Variants in XKR4 observed in about 807,000 individuals in gnomAD.
The protein encoded by XKR4 is XK related 4, also known as XK-related protein 4.
Under a neutral mutation model 53.9 loss-of-function variants are expected in XKR4, and 12 were observed. The observed-to-expected ratio is 0.22, with a 90% CI of 0.14 to 0.36. The LOEUF is 0.36. Among genes scored for constraint, XKR4 ranks in the 10% least tolerant of loss-of-function variants. The pLI, the probability that XKR4 is intolerant of heterozygous loss-of-function variation, is 1.00. For synonymous variants in XKR4, 354 were observed against 362.4 expected, an observed-to-expected ratio of 0.98 and a Z score of 0.26; for missense variants, 799 against 859.5, an observed-to-expected ratio of 0.93 and a Z score of 0.88.
chr8:55,307,950 C>T (rs1269811275), intron 1 of XKR4, among the ~76,000 whole-genome samples: 1 of 152,084 alleles, frequency 6.6e-6, no homozygotes, highest in Non-Finnish European at 1.5e-5. Flanking sequence ...CATTCTCACA[C>T]TGCTATAAAG....
chr8:55,476,846 G>T (rs1805996025), intron 2 of XKR4, among the ~76,000 whole-genome samples: 1 of 152,112 alleles, frequency 6.6e-6, no homozygotes, highest in South Asian at 2.1e-4. Context: ...GGCTGGGGGA[G>T]GGGCACCTGC....
chr8:55,414,851 T>C (rs1230874934), intron 2 of XKR4, among the ~76,000 whole-genome samples: 2 of 152,202 alleles, frequency 1.3e-5, no homozygotes, highest in South Asian at 2.1e-4. Flanking sequence ...CTGCCTTCTA[T>C]CTATTATTAA....
intron 1 of XKR4, among the ~76,000 whole-genome samples, chr8:55,320,127 G>C: frequency 6.6e-6 from 1 of 152,176 alleles, no homozygotes; most frequent in East Asian, 1.9e-4. Context: ...GTTATATTAC[G>C]TTAGGCAGGC....
At chr8:55,379,397 A>T (rs1256548937) in intron 2 of XKR4, among the ~76,000 whole-genome samples, 1 of 152,228 alleles carries the variant, frequency 6.6e-6, no homozygotes, top group Non-Finnish European at 1.5e-5. Context: ...CACCATACCA[A>T]TTAGAAATGT....
chr8:55,432,209 T>G (rs180879178), intron 2 of XKR4, among the ~76,000 whole-genome samples: 134 of 152,268 alleles, frequency 8.8e-4, no homozygotes, highest in African/African-American at 3.2e-3. Flanking sequence ...TGTAGTGAAC[T>G]CAGAAGCCAG....
At chr8:55,386,252 G>C (rs1015013738) in intron 2 of XKR4, among the ~76,000 whole-genome samples, 1 of 152,136 alleles carries the variant, frequency 6.6e-6, no homozygotes, top group African/African-American at 2.4e-5. Context: ...GTGAGTTCCT[G>C]GGTCCCTCGC....
intron 1 of XKR4, among the ~76,000 whole-genome samples, chr8:55,345,091 C>T (rs1563329037): frequency 6.6e-6 from 1 of 151,932 alleles, no homozygotes; most frequent in Admixed American, 6.6e-5. Flanking sequence ...AGACAAGCCT[C>T]GCCAACATGG....
chr8:55,389,120 C>T (rs1487467778), intron 2 of XKR4, among the ~76,000 whole-genome samples: 3 of 152,174 alleles, frequency 2.0e-5, no homozygotes, highest in Non-Finnish European at 1.5e-5. Context: ...TGTCTCGCTG[C>T]CACCAGCTAG....
intron 1 of XKR4, among the ~76,000 whole-genome samples, chr8:55,285,736 TG>T (rs1333903622): frequency 6.6e-6 from 1 of 152,184 alleles, no homozygotes; most frequent in Non-Finnish European, 1.5e-5. Flanking sequence ...TATCTGGTCT[TG>T]GGGATGCATG....
At chr8:55,332,034 C>T (rs1182517523) in intron 1 of XKR4, among the ~76,000 whole-genome samples, 2 of 151,914 alleles carry the variant, frequency 1.3e-5, no homozygotes, top group Non-Finnish European at 2.9e-5. Flanking sequence ...CTATTACTGC[C>T]CTCCTTAGTA....
At chr8:55,520,026 C>A (rs1056676367) in intron 2 of XKR4, among the ~76,000 whole-genome samples, 3 of 152,186 alleles carry the variant, frequency 2.0e-5, no homozygotes, top group Admixed American at 6.5e-5. Flanking sequence ...GCTCAGAGTC[C>A]TGTGTTCCAG....
At chr8:55,430,013 A>G (rs1585568950) in intron 2 of XKR4, among the ~76,000 whole-genome samples, 1 of 152,370 alleles carries the variant, frequency 6.6e-6, no homozygotes, top group African/African-American at 2.4e-5. Context: ...GAGGATATAT[A>G]GATTGCAATA....
chr8:55,346,811 C>T (rs1461019874), intron 1 of XKR4, among the ~76,000 whole-genome samples: 1 of 151,598 alleles, frequency 6.6e-6, no homozygotes, highest in Non-Finnish European at 1.5e-5. Flanking sequence ...TAAAGATCTT[C>T]TGCACAGATT....
chr8:55,346,218 AG>A (rs1803638649), intron 1 of XKR4, among the ~76,000 whole-genome samples: 1 of 151,414 alleles, frequency 6.6e-6, no homozygotes, highest in Non-Finnish European at 1.5e-5. Context: ...TCCGAGTAGC[AG>A]GGATTACAGG....
intron 1 of XKR4, among the ~76,000 whole-genome samples, chr8:55,326,163 C>CG (rs1002278297): frequency 6.6e-6 from 1 of 152,054 alleles, no homozygotes; most frequent in Non-Finnish European, 1.5e-5. Context: ...GAAAGAATAC[C>CG]GGAGACAGGC....
At chr8:55,382,675 G>T (rs930079307) in intron 2 of XKR4, among the ~76,000 whole-genome samples, 3 of 152,226 alleles carry the variant, frequency 2.0e-5, no homozygotes, top group African/African-American at 7.2e-5. Flanking sequence ...GTTACAGAAG[G>T]TTGGGTGGAT....
At chr8:55,114,662 A>G (rs1220542344) in intron 1 of XKR4, among the ~76,000 whole-genome samples, 1 of 152,174 alleles carries the variant, frequency 6.6e-6, no homozygotes, top group East Asian at 1.9e-4. Context: ...AATTTGTTTG[A>G]TTTATATTCA....
chr8:55,223,645 T>G (rs1817913995), intron 1 of XKR4, among the ~76,000 whole-genome samples: 1 of 152,236 alleles, frequency 6.6e-6, no homozygotes, highest in South Asian at 2.1e-4. Flanking sequence ...AAAATATGAT[T>G]GCTCACCTTC....
At chr8:55,345,767 C>T (rs982202605) in intron 1 of XKR4, among the ~76,000 whole-genome samples, 1 of 152,084 alleles carries the variant, frequency 6.6e-6, no homozygotes, top group Admixed American at 6.6e-5. Flanking sequence ...AGGTGGTGTG[C>T]TTGGGGCACT....
Sources: allele counts gnomAD v4.1 joint callset (sites outside exome capture counted in the v4.1 genomes callset), GRCh38; gene constraint gnomAD v4.1.1; transcripts MANE v1.5; gene names NCBI Gene and HGNC (gene_info 2026-07-23, HGNC 2026-07-21).